Variants in DIS3L2 observed in about 807,000 individuals in gnomAD.
DIS3L2 encodes the protein DIS3-like exonuclease 2.
Under a neutral mutation model 97.5 loss-of-function variants are expected in DIS3L2, and 34 were observed. That is an observed-to-expected ratio of 0.35 (90% CI 0.27 to 0.46). The LOEUF (loss-of-function observed/expected upper bound fraction) is 0.46. DIS3L2 is among the 20% of genes least tolerant of loss of function. The probability of loss-of-function intolerance (pLI) is 1.00; values close to 1 mark genes in which losing one functional copy is unlikely to be tolerated. For missense variants in DIS3L2, 1,038 were observed against 1,146.0 expected (o/e 0.91, Z 1.36); for synonymous variants, 435 against 445.2 (o/e 0.98, Z 0.29).
At chr2:232,153,561 G>A (rs1690380828) in intron 8 of DIS3L2, among the ~76,000 whole-genome samples, 3 of 62,384 alleles carry the variant, frequency 4.8e-5, no homozygotes, top group South Asian at 7.2e-4. Flanking sequence ...GGTTTCTGCC[G>A]AGAGATCCGC....
Position 232,334,376 on chromosome 2 carries a change from G to A in DIS3L2, c.2166G>A (p.Arg722=), listed in dbSNP as rs2106354197. The change falls in exon 18 of 21, where the codon AGG becomes AGA. Residue 722 remains arginine, a synonymous_variant. Transcript: ENST00000325385. The part of the protein sequence containing the change: ...HRLLAAALGY[R]ERLDMAPDTL... ...CTCACCCCCTCTTCCCAGGCTATAG[G>A]GAGCGACTAGACATGGCGCCCGATA... The A allele has an allele frequency of 1.2e-6, 2 of 1,613,456 alleles. No individual in the cohort carries two copies. Among genetic ancestry groups the A allele is most frequent in the Non-Finnish European group, 1.7e-6 (2 of 1,179,948 alleles).
chr2:232,164,925 T>C (rs1690761226), intron 9 of DIS3L2, among the ~76,000 whole-genome samples: 1 of 152,224 alleles, frequency 6.6e-6, no homozygotes, highest in Non-Finnish European at 1.5e-5. Context: ...ATTTCCTGAA[T>C]CTAGGAATCT....
At chr2:232,010,345 C>T (rs2106214971) in intron 1 of DIS3L2, among the ~76,000 whole-genome samples, 4 of 151,542 alleles carry the variant, frequency 2.6e-5, no homozygotes, top group Middle Eastern at 6.8e-3. Context: ...AAATTTTATT[C>T]AAACTGAAAT....
Position 232,065,697 on chromosome 2 carries a change from A to G in DIS3L2, c.367-21790A>G, listed in dbSNP as rs539988892. Among the ~76,000 whole-genome samples, 9 of 152,070 alleles carry G rather than the reference A, an allele frequency of 5.9e-5. No individual in the cohort carries two copies. The East Asian group carries it at 1.3e-3, about 23-fold the overall frequency. On this transcript the variant is annotated intron_variant, in intron 5 of 20. Coordinates refer to ENST00000325385, the MANE Select transcript of DIS3L2 (RefSeq NM_152383.5). ...TGATGGGAAATTTAGAATTGACTTT[A>G]TCTACTTCTATGCATAAAGCCTATT...
intron 14 of DIS3L2, 67 bp from the exon 15 acceptor site, chr2:232,329,746 C>A: frequency 7.2e-7 from 1 of 1,391,840 alleles, no homozygotes; most frequent in Non-Finnish European, 9.5e-7. Context: ...CCGGCTGCAG[C>A]GTGGGAAAGC....
Position 232,263,262 on chromosome 2 carries a change from A to G in DIS3L2, c.1481A>G (p.Tyr494Cys). 1 of 1,614,196 alleles carries G rather than the reference A, an allele frequency of 6.2e-7. No individual in the cohort carries two copies. Among genetic ancestry groups the G allele is most frequent in the East Asian group, 2.2e-5 (1 of 44,886 alleles). ...TIIRSCTKLS[Y>C]EHAQSMIESP... is the part of the protein sequence containing the mutation. ...ATCCGCTCCTGCACCAAACTTAGCT[A>G]CGAGCATGCACAGAGCATGATTGAA... Residue 494 changes from tyrosine (Y) to cysteine (C), a missense_variant, in exon 13 of 21, where the codon TAC (tyrosine) becomes TGC (cysteine). This residue lies in a region of DIS3L2 where 813 missense variants were observed against 880.1 expected (regional missense o/e 0.92). Transcript: ENST00000325385.
Position 232,333,940 on chromosome 2 carries a change from G to A in DIS3L2, c.2111G>A (p.Arg704His), listed in dbSNP as rs2106353604. The change falls in exon 17 of 21, where the codon CGC becomes CAC. Residue 704 changes from arginine (R) to histidine (H), a missense_variant. This residue lies in a region of DIS3L2 where 4 missense variants were observed against 19.0 expected (regional missense o/e 0.21). Coordinates refer to ENST00000325385, the MANE Select transcript of DIS3L2 (RefSeq NM_152383.5). ...TACACACACTTCACCTCGCCCATCC[G>A]CCGCTTTGCCGACGTCCTGGTGCAC... ...PLYTHFTSPI[R>H]RFADVLVHRL... The A allele has an allele frequency of 2.5e-6, 4 of 1,612,830 alleles. No individual in the cohort carries two copies. Among genetic ancestry groups the A allele is most frequent in the Non-Finnish European group, 3.4e-6 (4 of 1,179,896 alleles).
chr2:232,256,343 G>T (rs889504503), intron 12 of DIS3L2, among the ~76,000 whole-genome samples: 5 of 152,146 alleles, frequency 3.3e-5, no homozygotes, highest in African/African-American at 7.2e-5. Flanking sequence ...CCAGCTCCAG[G>T]GACCTGACAT....
intron 5 of DIS3L2, among the ~76,000 whole-genome samples, chr2:232,075,652 G>A (rs144382612): frequency 9.4e-4 from 143 of 152,206 alleles, no homozygotes; most frequent in African/African-American, 3.3e-3. Flanking sequence ...CACTTCTCGA[G>A]TCATCTGAAG....
At chr2:232,313,570 A>G in intron 14 of DIS3L2, among the ~76,000 whole-genome samples, 1 of 152,222 alleles carries the variant, frequency 6.6e-6, no homozygotes, top group East Asian at 1.9e-4. Context: ...GGTCGTAAAA[A>G]TACCACTTTT....
intron 5 of DIS3L2, among the ~76,000 whole-genome samples, chr2:232,055,295 A>C (rs998338368): frequency 6.6e-6 from 1 of 152,204 alleles, no homozygotes; most frequent in African/African-American, 2.4e-5. Context: ...AGTACTCATC[A>C]TTTTCAGACT....
At chr2:232,306,618 G>A (rs898741997) in intron 14 of DIS3L2, among the ~76,000 whole-genome samples, 10 of 152,216 alleles carry the variant, frequency 6.6e-5, no homozygotes, top group African/African-American at 2.2e-4. Flanking sequence ...TGTCAGAATC[G>A]GAGATCTGAA....
At chr2:232,259,701 C>G (rs1465789043) in intron 12 of DIS3L2, 1 of 152,206 alleles carries the variant, frequency 6.6e-6, no homozygotes, top group Non-Finnish European at 1.5e-5. Context: ...TCGCTGCAAC[C>G]AACACCTCCC....
chr2:232,336,434 C>G (rs749635236), intron 20 of DIS3L2, 35 bp from the exon 21 acceptor site: 1 of 1,595,428 alleles, frequency 6.3e-7, no homozygotes, highest in South Asian at 1.1e-5. Context: ...TCAGGCCCTG[C>G]CATCCTTGTC....
chr2:232,155,295 C>G (rs1473417069), intron 8 of DIS3L2, among the ~76,000 whole-genome samples: 1 of 152,060 alleles, frequency 6.6e-6, no homozygotes, highest in Admixed American at 6.6e-5. Context: ...AATATCAGGT[C>G]CATCACTTCA....
rs1235115953 is a variant in DIS3L2 at position 232,026,555 on chromosome 2, G to A, written c.264+2225G>A. Among the ~76,000 whole-genome samples the A allele has an allele frequency of 3.3e-5, 5 of 151,840 alleles. No individual in the cohort carries two copies. The East Asian group carries it at 9.7e-4, about 29-fold the overall frequency. Reference sequence around the variant, plus strand: ...GCACCCCCATTGAGGGGGTGCCTCCGGTGGTGGGGAAGTGCCTGTATATGT... The same window carrying A: ...GCACCCCCATTGAGGGGGTGCCTCCAGTGGTGGGGAAGTGCCTGTATATGT... On this transcript the variant is annotated intron_variant, in intron 4 of 20. Coordinates refer to ENST00000325385, the MANE Select transcript of DIS3L2 (RefSeq NM_152383.5).
chr2:232,110,686 C>T (rs972155886), intron 6 of DIS3L2, among the ~76,000 whole-genome samples: 3 of 151,954 alleles, frequency 2.0e-5, no homozygotes, highest in East Asian at 1.9e-4. Flanking sequence ...CAATACACAC[C>T]GGGGCCTGTC....
chr2:232,229,903 C>G (rs1207848749), intron 10 of DIS3L2, among the ~76,000 whole-genome samples: 1 of 152,204 alleles, frequency 6.6e-6, no homozygotes, highest in Non-Finnish European at 1.5e-5. Flanking sequence ...AAAATCCAGA[C>G]TCTTCAAATC....
At chr2:232,300,652 CTT>C (rs35570747) in intron 14 of DIS3L2, among the ~76,000 whole-genome samples, 9,937 of 121,328 alleles carry the variant, frequency 0.082, 663 homozygotes, top group East Asian at 0.39. Context: ...TAGACTGCTC[CTT>C]TTTTTTTTTT....
Sources: gnomAD v4.1 joint callset for allele counts (sites outside exome capture counted in the v4.1 genomes callset) on GRCh38, gnomAD v4.1.1 for gene constraint, gnomAD v4.1.1 regional missense constraint, MANE v1.5 for transcripts, NCBI Gene and HGNC (gene_info 2026-07-23, HGNC 2026-07-21) for gene names.